Variants in CLEC10A observed in about 807,000 individuals in gnomAD.
The protein encoded by CLEC10A is C-type lectin domain containing 10A.
CLEC10A carries 38 observed loss-of-function variants against 42.0 expected under a neutral mutation model. The ratio of observed to expected loss-of-function variants is 0.90; its 90% CI spans 0.70 to 1.18. The LOEUF (loss-of-function observed/expected upper bound fraction) is 1.18, where lower values mean the gene tolerates loss of function less well. Among genes scored for constraint, CLEC10A ranks in the 50% most tolerant of loss-of-function variants. The pLI, the probability that CLEC10A is intolerant of heterozygous loss-of-function variation, is 0.00. For missense variants in CLEC10A, 298 were observed against 345.9 expected, an observed-to-expected ratio of 0.86 and a Z score of 1.10; for synonymous variants, 126 against 139.9, an observed-to-expected ratio of 0.90 and a Z score of 0.70.
chr17:7,078,669 A>T (rs1014682981), intron 2 of CLEC10A, 77 bp downstream of exon 2: 1 of 1,400,670 alleles, frequency 7.1e-7, no homozygotes, highest in South Asian at 1.2e-5. Flanking sequence ...CGCGTGGTGG[A>T]GGTACAGAAA....
At chr17:7,076,307 C>CTTTTTTTTTTTT (rs1206807036) in intron 5 of CLEC10A, among the ~76,000 whole-genome samples, 14 of 121,112 alleles carry the variant, frequency 1.2e-4, no homozygotes, top group East Asian at 2.4e-4. Context: ...TTCTTTCTTT[C>CTTTTTTTTTTTT]TTTTTTTTTT....
rs779670458 is a variant in CLEC10A at position 7,076,968 on chromosome 17, G to T, written c.204C>A (p.Asp68Glu). ...TAAAATCTGTTCTCAGGGTCACCAG[G>T]TCCCTCTGAAATTTGGAATCTAAAC... ...VGFQNSKFQR[D>E]LVTLRTDFSN... Residue 68 changes from aspartate (D) to glutamate (E), a missense_variant, in exon 4 of 9, where the codon GAC becomes GAA. Asp to Glu is a conservative substitution (Grantham distance 45, BLOSUM62 2). Around this residue, in one of 3 missense-constraint regions of CLEC10A, gnomAD observed 267 missense variants for 289.5 expected, o/e 0.92. Transcript: ENST00000416562. The T allele has an allele frequency of 4.1e-5, 66 of 1,613,594 alleles. No individual in the cohort carries two copies. The highest frequency in any genetic ancestry group is 5.4e-5 in the Non-Finnish European group (64 of 1,179,792).
In CLEC10A at chr17:7,076,746, CT is replaced by C; in HGVS notation, c.338del (p.Gln113ArgfsTer21). The C allele has an allele frequency of 6.2e-7, 1 of 1,613,668 alleles. No homozygotes were observed. Among genetic ancestry groups the C allele is most frequent in the Non-Finnish European group, 8.5e-7 (1 of 1,179,916 alleles). ...SLKAEVEGFK[Q>X]ERQAVHSEML... ...AGGGTCTCTCACCTGCCTGCCGTTC[CT>C]GCTTGAAACCCTCCACCTCAGCTTT... On this transcript the variant is annotated frameshift_variant, in exon 5 of 9. Transcript: ENST00000416562. LOFTEE classifies it high-confidence loss of function.
chr17:7,079,008 C>T (rs1912025912), intron 1 of CLEC10A, 123 bp from the exon 2 acceptor site: 4 of 610,200 alleles, frequency 6.6e-6, no homozygotes, highest in East Asian at 2.7e-5. Context: ...GGTTTGCAGT[C>T]GAGTTAGAAT....
rs1911632432 is a variant in CLEC10A, at chr17:7,074,987, G to A, written c.*67C>T. On this transcript the variant is annotated 3_prime_UTR_variant, in exon 9 of 9. Transcript: ENST00000416562. The stretch of plus-strand genomic sequence containing the variant: ...TTTCTCTCCCAGAGCGGTCTTGCGA[G>A]GAGGTCGTGAGAAGAGTCCTCCTCC... 1.5e-6 allele frequency: 2 copies of A among 1,350,662 alleles called. No homozygotes were observed. Among genetic ancestry groups the A allele is most frequent in the Non-Finnish European group, 2.0e-6 (2 of 1,020,530 alleles). The allele number at this position is 1,350,662 out of a possible 1,614,324, so 83.7% of individuals were successfully genotyped here. A position where few individuals can be genotyped will look rare whatever the true frequency, so the allele number is the denominator to read the frequency against.
chr17:7,079,331 C>T (rs72837622), intron 1 of CLEC10A, among the ~76,000 whole-genome samples: 3,935 of 152,176 alleles, frequency 0.026, 62 homozygotes, highest in African/African-American at 0.041. Context: ...CCTATAAATC[C>T]CAGCACTTTG....
chr17:7,076,564 G>A (rs189852812), intron 5 of CLEC10A, among the ~76,000 whole-genome samples, 169 bp downstream of exon 5: 2 of 151,432 alleles, frequency 1.3e-5, no homozygotes, highest in Admixed American at 6.6e-5. Context: ...CACCCGCCTC[G>A]GCCTCCCAAA....
intron 2 of CLEC10A, 134 bp downstream of exon 2, chr17:7,078,612 C>T (rs1369306047): frequency 7.4e-6 from 6 of 815,654 alleles, no homozygotes; most frequent in Admixed American, 3.8e-5. Context: ...ACACTAGGCC[C>T]GTCAGAGGCT....
At position 7,078,334 on chromosome 17, in the gene CLEC10A, G is replaced by A. The variant is rs144258489; in HGVS notation, c.68-221C>T. On this transcript the variant is annotated intron_variant, in intron 2 of 8. Transcript: ENST00000416562. Reference sequence around the variant, plus strand: ...GCCCCTCACACCCCTGGGGACCCACGTGATAGCGATATGAGGGGTCCCATG... The same window carrying A: ...GCCCCTCACACCCCTGGGGACCCACATGATAGCGATATGAGGGGTCCCATG... 1.5e-3 allele frequency: 780 copies of A among 526,368 alleles called. 2 individuals carry two copies. The highest frequency in any genetic ancestry group is 0.013 in the African/African-American group (707 of 52,502). The allele number at this position is 526,368 out of a possible 1,614,324, so 32.6% of individuals were successfully genotyped here.
intron 1 of CLEC10A, 80 bp from the exon 2 acceptor site, chr17:7,078,965 A>T: frequency 1.4e-6 from 1 of 722,268 alleles, no homozygotes; most frequent in South Asian, 1.5e-5. Flanking sequence ...TCAGGTTGAG[A>T]ATGAGCCCAG....
intron 7 of CLEC10A, 58 bp from the exon 8 acceptor site, chr17:7,075,524 A>G: frequency 1.4e-6 from 2 of 1,457,534 alleles, no homozygotes; most frequent in Non-Finnish European, 1.9e-6. Flanking sequence ...TCCTTAAACT[A>G]GTGATTCTCA....
At chr17:7,076,339 T>G (rs1911746008) in intron 5 of CLEC10A, among the ~76,000 whole-genome samples, 1 of 146,298 alleles carries the variant, frequency 6.8e-6, no homozygotes, top group Admixed American at 6.8e-5. Context: ...AGACGGAGTT[T>G]CACTCTTGCT....
intron 1 of CLEC10A, 135 bp downstream of exon 1, chr17:7,079,917 G>A (rs962927765): frequency 3.3e-5 from 5 of 151,896 alleles, no homozygotes; most frequent in South Asian, 2.1e-4. Flanking sequence ...AAATCTCCAC[G>A]TAGTAATTAA....
chr17:7,079,738 C>T (rs868830991), intron 1 of CLEC10A, among the ~76,000 whole-genome samples: 28 of 151,832 alleles, frequency 1.8e-4, no homozygotes, highest in Admixed American at 1.1e-3. Context: ...GATGGAATTT[C>T]GTTCTTGTCG....
chr17:7,077,279 GCC>G (rs796601636), intron 3 of CLEC10A, among the ~76,000 whole-genome samples: 3 of 71,306 alleles, frequency 4.2e-5, no homozygotes, highest in African/African-American at 1.2e-4. Context: ...CTCCATCAGT[GCC>G]CCCCCACCAT....
At chr17:7,075,330 C>T (rs1462523286) in intron 8 of CLEC10A, 30 bp downstream of exon 8, 2 of 1,509,110 alleles carry the variant, frequency 1.3e-6, no homozygotes, top group Non-Finnish European at 1.8e-6. Flanking sequence ...TGACGGAGGA[C>T]ATTGGCACAG....
intron 5 of CLEC10A, 91 bp from the exon 6 acceptor site, chr17:7,076,162 G>C: frequency 6.2e-7 from 1 of 1,611,966 alleles, no homozygotes; most frequent in Non-Finnish European, 8.5e-7. Context: ...CCTGCACAGG[G>C]CCAAGCCAGG....
At chr17:7,078,344 T>C (rs1436165573) in intron 2 of CLEC10A, 3 of 522,858 alleles carry the variant, frequency 5.7e-6, no homozygotes, top group Non-Finnish European at 1.0e-5. Context: ...GTGATAGCGA[T>C]ATGAGGGGTC....
At chr17:7,077,391 C>CT (rs1308129447) in intron 3 of CLEC10A, among the ~76,000 whole-genome samples, 2 of 137,492 alleles carry the variant, frequency 1.5e-5, no homozygotes, top group African/African-American at 2.7e-5. Flanking sequence ...TCAGTGCCCC[C>CT]CACTATTCCC....
Sources: gnomAD v4.1 joint callset for allele counts (sites outside exome capture counted in the v4.1 genomes callset) on GRCh38, gnomAD v4.1.1 for gene constraint, gnomAD v4.1.1 regional missense constraint, MANE v1.5 for transcripts, NCBI Gene and HGNC (gene_info 2026-07-23, HGNC 2026-07-21) for gene names.